ATP6V0A2: variants seen among roughly 807,000 people sequenced by gnomAD.
The protein encoded by ATP6V0A2 is ATPase H+ transporting V0 subunit a2, also known as V-type proton ATPase 116 kDa subunit a 2.
Under a neutral mutation model 104.4 loss-of-function variants are expected in ATP6V0A2, and 58 were observed. The observed-to-expected ratio is 0.56, with a 90% confidence interval of 0.45 to 0.69. ATP6V0A2 has a LOEUF of 0.69. ATP6V0A2 is among the 30% of genes least tolerant of loss of function. The pLI, the probability that ATP6V0A2 is intolerant of heterozygous loss-of-function variation, is 0.00. For synonymous variants in ATP6V0A2, 376 were observed against 397.9 expected (o/e 0.95, Z 0.65); for missense variants, 938 against 1,062.9 (o/e 0.88, Z 1.63).
chr12:123,752,907 T>C (rs1315341222), intron 17 of ATP6V0A2, among the ~76,000 whole-genome samples: 1 of 152,224 alleles, frequency 6.6e-6, no homozygotes, highest in East Asian at 1.9e-4. Flanking sequence ...GGCCCCATGA[T>C]GCTAGAACCA....
At chr12:123,747,892 C>A (rs1335712668) in intron 14 of ATP6V0A2, among the ~76,000 whole-genome samples, 167 bp downstream of exon 14, 1 of 152,138 alleles carries the variant, frequency 6.6e-6, no homozygotes, top group Non-Finnish European at 1.5e-5. Context: ...TTCAGCAATT[C>A]ATTCAGCAAA....
intron 7 of ATP6V0A2, among the ~76,000 whole-genome samples, chr12:123,734,489 C>A (rs10734908): frequency 0.54 from 81,579 of 151,906 alleles, 23,762 homozygotes; most frequent in East Asian, 0.94. Flanking sequence ...AGTGACCAAG[C>A]CTCAGTTTCT....
chr12:123,712,951 G>A (rs1956307098), intron 1 of ATP6V0A2, among the ~76,000 whole-genome samples: 1 of 152,188 alleles, frequency 6.6e-6, no homozygotes, highest in Non-Finnish European at 1.5e-5. Context: ...TCCGGGCACC[G>A]AGCTCAGCGG....
chr12:123,747,798 G>C, intron 14 of ATP6V0A2, 73 bp downstream of exon 14: 1 of 977,988 alleles, frequency 1.0e-6, no homozygotes, highest in South Asian at 1.3e-5. Flanking sequence ...CTTCTTGTTG[G>C]TGACTGTATT....
intron 1 of ATP6V0A2, 104 bp from the exon 2 acceptor site, chr12:123,718,519 A>G (rs1956366424): frequency 2.5e-6 from 2 of 787,672 alleles, no homozygotes; most frequent in Non-Finnish European, 4.2e-6. Flanking sequence ...ATTCAATAGT[A>G]TACAAGAGTG....
intron 13 of ATP6V0A2, among the ~76,000 whole-genome samples, chr12:123,745,321 A>G (rs1263893740): frequency 6.6e-6 from 1 of 152,142 alleles, no homozygotes. Context: ...AAAACCCTTG[A>G]TCTCGAAAGA....
chr12:123,756,902 T>C lies in ATP6V0A2; in HGVS notation c.2381T>C (p.Ile794Thr), dbSNP rs1956769853. Residue 794 changes from isoleucine to threonine, a missense_variant, in exon 19 of 20, where the codon ATC becomes ACC. By Grantham distance (89) the Ile-to-Thr change is moderately conservative. Transcript: ENST00000330342. ...GGCGTCTTGCTACTGCTCCCGGTTA[T>C]CGCGCTCTTTGCAGTTTTGACCATT... Reference protein sequence around the residue: ...TYGVLLLLPVIALFAVLTIFI... With the variant: ...TYGVLLLLPVTALFAVLTIFI... The C allele has an allele frequency of 6.2e-7, 1 of 1,614,118 alleles. No individual in the cohort carries two copies. Among genetic ancestry groups the C allele is most frequent in the Non-Finnish European group, 8.5e-7 (1 of 1,180,046 alleles).
chr12:123,726,435 G>A (rs906868606), intron 5 of ATP6V0A2, 150 bp downstream of exon 5: 1 of 660,920 alleles, frequency 1.5e-6, no homozygotes, highest in Admixed American at 2.5e-5. Context: ...CTGTATTCCT[G>A]TACTTGTTGA....
chr12:123,735,383 C>T (rs1385525448), intron 7 of ATP6V0A2, 148 bp from the exon 8 acceptor site: 7 of 718,810 alleles, frequency 9.7e-6, no homozygotes, highest in South Asian at 7.3e-5. Context: ...GTATGCACAG[C>T]CCGACCAAGG....
At chr12:123,736,973 A>G in intron 8 of ATP6V0A2, 86 bp from the exon 9 acceptor site, 1 of 1,313,372 alleles carries the variant, frequency 7.6e-7, no homozygotes, top group Non-Finnish European at 1.1e-6. Flanking sequence ...CAATGGGGAG[A>G]AAGTCCTCTA....
intron 2 of ATP6V0A2, among the ~76,000 whole-genome samples, chr12:123,720,051 T>C (rs1956384185): frequency 6.6e-6 from 1 of 152,162 alleles, no homozygotes; most frequent in South Asian, 2.1e-4. Context: ...GGGTCTATTC[T>C]TCCTTTCTCT....
At position 123,758,275 on chromosome 12, in the gene ATP6V0A2, G is replaced by A. The variant is rs1324258081; in HGVS notation, c.*243G>A. On this transcript the variant is annotated 3_prime_UTR_variant, in exon 20 of 20. Transcript: ENST00000330342. Reference sequence around the variant, plus strand: ...GAGCAAATATAAGTTAATGCCAAACGTTATGTTAAAGTTATTTTTTCAAAT... The same window carrying A: ...GAGCAAATATAAGTTAATGCCAAACATTATGTTAAAGTTATTTTTTCAAAT... 2.4e-4 allele frequency: 86 copies of A among 364,510 alleles called. No homozygotes were observed. The East Asian group carries it at 3.9e-3, about 16-fold the overall frequency. The allele number at this position is 364,510 out of a possible 1,614,324, so 22.6% of individuals were successfully genotyped here.
Position 123,747,702 on chromosome 12 carries a change from C to A in ATP6V0A2, c.1701C>A (p.Val567=). The A allele has an allele frequency of 6.2e-7, 1 of 1,603,570 alleles. No homozygotes were observed. Among genetic ancestry groups the A allele is most frequent in the African/African-American group, 1.3e-5 (1 of 74,776 alleles). ...GAATCATTCATATGACTTTTGGAGT[C>A]ATTCTGGGAATATTTAACCACTTGT... ...ILGIIHMTFG[V]ILGIFNHLHF... Residue 567 remains valine (V), a synonymous_variant, in exon 14 of 20, where the codon GTC becomes GTA. Transcript: ENST00000330342.
At position 123,744,596 on chromosome 12, in the gene ATP6V0A2, G is replaced by A. The variant is rs1956641562; in HGVS notation, c.1327-1G>A. 6.2e-7 allele frequency: 1 copy of A among 1,612,658 alleles called. No individual in the cohort carries two copies. The highest frequency in any genetic ancestry group is 1.3e-5 in the African/African-American group (1 of 74,878). ...TTCTGCCCCCGCCTTGCCCTTCACA[G>A]ATCATGAGGATGTTTTTTAATGGCC... On this transcript the variant is annotated splice_acceptor_variant, in intron 11 of 19. Transcript: ENST00000330342. LOFTEE classifies it high-confidence loss of function. This position sits in a 1 kb window ranked among gnomAD's most constrained non-coding sequence, Gnocchi z 5.4.
At position 123,744,893 on chromosome 12, in the gene ATP6V0A2, T is replaced by G. The variant is rs760212304; in HGVS notation, c.1526T>G (p.Val509Gly). The stretch of plus-strand genomic sequence containing the variant: ...GCTTTTTGTTACAGTGACAGCGTCG[T>G]TAGACACAACAGCATTTTGCAGCTG... ...KKMVLWNDSVVRHNSILQLDP... is the reference protein window; with the variant it reads ...KKMVLWNDSVGRHNSILQLDP... Residue 509 changes from valine (V) to glycine (G), a missense_variant, in exon 13 of 20, where the codon GTT becomes GGT. Physicochemically the swap from Val to Gly is moderately radical, Grantham distance 109. Transcript: ENST00000330342. This position sits in a 1 kb window ranked among gnomAD's most constrained non-coding sequence, Gnocchi z 5.4. The G allele has an allele frequency of 4.3e-6, 7 of 1,614,208 alleles. No individual in the cohort carries two copies. In the Admixed American group the frequency reaches 1.0e-4, roughly 23 times the overall value.
chr12:123,751,862 C>CT (rs34862238), intron 16 of ATP6V0A2, among the ~76,000 whole-genome samples: 61,582 of 123,262 alleles, frequency 0.5, 17,251 homozygotes, highest in East Asian at 0.92. Flanking sequence ...TTCTTTCTTT[C>CT]TTTTTTTTTT....
Position 123,752,378 on chromosome 12 carries a change from A to T in ATP6V0A2, c.2151A>T (p.Gly717=), listed in dbSNP as rs138276982. Residue 717 remains glycine, a synonymous_variant, in exon 17 of 20, where the codon GGA becomes GGT. Coordinates refer to ENST00000330342, the MANE Select transcript of ATP6V0A2 (RefSeq NM_012463.4). The stretch of plus-strand genomic sequence containing the variant: ...AGGGAAATCACCAGGTGGAAGATGG[A>T]TGTAGAGAAATGGCGTGTGAAGAGG... ...IEEGNHQVED[G]CREMACEEFN... The T allele has an allele frequency of 1.6e-5, 26 of 1,614,052 alleles. No individual in the cohort carries two copies. The African/African-American group carries it at 2.8e-4, about 17-fold the overall frequency.
intron 6 of ATP6V0A2, among the ~76,000 whole-genome samples, chr12:123,729,769 A>G (rs968168297): frequency 2.0e-5 from 3 of 152,092 alleles, no homozygotes; most frequent in African/African-American, 7.2e-5. Flanking sequence ...TACATCTCAT[A>G]GTAGTTTTGA....
chr12:123,744,458 G>A lies in ATP6V0A2; in HGVS notation c.1326+121G>A. 1 of 1,558,704 alleles carries A rather than the reference G, an allele frequency of 6.4e-7. No individual in the cohort carries two copies. The highest frequency in any genetic ancestry group is 1.7e-5 in the Admixed American group (1 of 59,462). On this transcript the variant is annotated intron_variant, in intron 11 of 19. Coordinates refer to ENST00000330342, the MANE Select transcript of ATP6V0A2 (RefSeq NM_012463.4). This position sits in a 1 kb window ranked among gnomAD's most constrained non-coding sequence, Gnocchi z 5.4. ...GCTGTGCTGGGCAGGTGTGTGGCCTGTCAGCTGCGGCTGACAGGGATGTCT... is the reference window on the plus strand; with the variant it reads ...GCTGTGCTGGGCAGGTGTGTGGCCTATCAGCTGCGGCTGACAGGGATGTCT...
Sources: allele counts gnomAD v4.1 joint callset (sites outside exome capture counted in the v4.1 genomes callset), GRCh38; gene constraint gnomAD v4.1.1; non-coding constraint Gnocchi (gnomAD v3.1); transcripts MANE v1.5; gene names NCBI Gene and HGNC (gene_info 2026-07-23, HGNC 2026-07-21).